The following LPP variants were observed in gnomAD, a reference collection of about 807,000 sequenced individuals.
LPP encodes LIM domain containing preferred translocation partner in lipoma.
LPP carries 38 observed loss-of-function variants against 60.4 expected under a neutral mutation model. The ratio of observed to expected loss-of-function variants is 0.63; its 90% confidence interval spans 0.49 to 0.83. The LOEUF is 0.83. Among genes scored for constraint, LPP ranks in the 40% least tolerant of loss-of-function variants. The probability of loss-of-function intolerance (pLI) is 0.00; values close to 1 mark genes in which losing one functional copy is unlikely to be tolerated. For synonymous variants in LPP, 328 were observed against 290.8 expected, an observed-to-expected ratio of 1.13 and a Z score of -1.30; for missense variants, 902 against 783.6, an observed-to-expected ratio of 1.15 and a Z score of -1.80.
At chr3:188,292,907 C>T (rs1181864798) in intron 2 of LPP, among the ~76,000 whole-genome samples, 2 of 152,022 alleles carry the variant, frequency 1.3e-5, no homozygotes, top group East Asian at 3.9e-4. Flanking sequence ...TGATTTATGC[C>T]CCCAGTAAGG....
chr3:188,455,102 C>A (rs1217086442), intron 4 of LPP, among the ~76,000 whole-genome samples: 1 of 152,032 alleles, frequency 6.6e-6, no homozygotes, highest in East Asian at 1.9e-4. Flanking sequence ...AGCTCTAGGG[C>A]CAATTAGAGT....
At chr3:188,561,447 A>C (rs1441108429) in intron 6 of LPP, among the ~76,000 whole-genome samples, 2 of 152,076 alleles carry the variant, frequency 1.3e-5, no homozygotes, top group Non-Finnish European at 2.9e-5. Flanking sequence ...TATACTTATT[A>C]ATCCACTGAG....
chr3:188,729,465 TA>T (rs1719630874), intron 8 of LPP, among the ~76,000 whole-genome samples: 1 of 152,232 alleles, frequency 6.6e-6, no homozygotes, highest in South Asian at 2.1e-4. Flanking sequence ...ACCACTTGGA[TA>T]ACCTTATAAA....
At chr3:188,623,062 C>G (rs1419793118) in intron 7 of LPP, among the ~76,000 whole-genome samples, 6 of 132,022 alleles carry the variant, frequency 4.5e-5, no homozygotes, top group Non-Finnish European at 8.0e-5. Flanking sequence ...GAGCTAACAT[C>G]TTCACTTTTT....
intron 7 of LPP, among the ~76,000 whole-genome samples, chr3:188,616,932 G>T (rs1198271663): frequency 6.6e-6 from 1 of 152,016 alleles, no homozygotes; most frequent in Admixed American, 6.5e-5. Context: ...TACTCCCTTT[G>T]TATCCTATAA....
chr3:188,729,477 G>A (rs1235309531), intron 8 of LPP, among the ~76,000 whole-genome samples: 1 of 152,192 alleles, frequency 6.6e-6, no homozygotes, highest in Non-Finnish European at 1.5e-5. Flanking sequence ...ACCTTATAAA[G>A]CCACTTAATA....
intron 9 of LPP, among the ~76,000 whole-genome samples, chr3:188,818,513 A>T (rs1258590488): frequency 6.6e-6 from 1 of 152,198 alleles, no homozygotes. Context: ...GTTCCATGTC[A>T]GTTGGACAGG....
At chr3:188,442,157 G>A (rs1019719364) in intron 4 of LPP, among the ~76,000 whole-genome samples, 7 of 152,076 alleles carry the variant, frequency 4.6e-5, no homozygotes, top group South Asian at 2.1e-4. Flanking sequence ...AAGTTCTAGG[G>A]TACATGTGCA....
intron 2 of LPP, among the ~76,000 whole-genome samples, chr3:188,248,468 T>TTTTATATA (rs1727808969): frequency 1.2e-5 from 1 of 84,142 alleles, no homozygotes; most frequent in Non-Finnish European, 2.2e-5. Context: ...CAGTATAACT[T>TTTTATATA]TATATATATA....
intron 9 of LPP, among the ~76,000 whole-genome samples, chr3:188,859,930 A>G (rs1336150880): frequency 1.3e-5 from 2 of 152,016 alleles, no homozygotes; most frequent in Non-Finnish European, 2.9e-5. Context: ...TTTGATTCTA[A>G]TTGAAAAATC....
intron 9 of LPP, among the ~76,000 whole-genome samples, chr3:188,771,587 G>T (rs1257962174): frequency 6.6e-6 from 1 of 150,666 alleles, no homozygotes; most frequent in Non-Finnish European, 1.5e-5. Context: ...AAGAAAGGGA[G>T]AAAGAAAGAA....
chr3:188,203,458 AAT>A (rs1396298471), intron 1 of LPP, among the ~76,000 whole-genome samples: 4 of 90,310 alleles, frequency 4.4e-5, no homozygotes, highest in East Asian at 3.0e-4. Flanking sequence ...AATATATATA[AAT>A]ATATATATTT....
At chr3:188,344,769 C>T (rs1485385172) in intron 3 of LPP, among the ~76,000 whole-genome samples, 1 of 152,160 alleles carries the variant, frequency 6.6e-6, no homozygotes, top group Non-Finnish European at 1.5e-5. Flanking sequence ...CATTTATACA[C>T]CGGTAGCGGT....
intron 2 of LPP, among the ~76,000 whole-genome samples, chr3:188,333,108 A>T (rs1204462240): frequency 1.3e-5 from 2 of 152,226 alleles, no homozygotes; most frequent in African/African-American, 2.4e-5. Context: ...ATCTCATGAT[A>T]GTAGAACATA....
chr3:188,638,952 A>G (rs1403745997), intron 7 of LPP, among the ~76,000 whole-genome samples: 3 of 152,170 alleles, frequency 2.0e-5, no homozygotes, highest in Non-Finnish European at 4.4e-5. Flanking sequence ...AAGGTAATTT[A>G]TAGATTCAAT....
chr3:188,428,675 C>T (rs1790129382), intron 4 of LPP, among the ~76,000 whole-genome samples: 2 of 151,040 alleles, frequency 1.3e-5, no homozygotes, highest in Non-Finnish European at 2.9e-5. Context: ...TTCATATAAT[C>T]ACTGTCAAGG....
chr3:188,592,557 G>GTTTTTTTGTTTTTTTT (rs1553936333), intron 6 of LPP, among the ~76,000 whole-genome samples: 1 of 85,756 alleles, frequency 1.2e-5, no homozygotes, highest in African/African-American at 4.5e-5. Flanking sequence ...TTTTGTTTTT[G>GTTTTTTTGTTTTTTTT]TTTTTTAAAT....
Position 188,876,423 on chromosome 3 carries a change from T to A in LPP, c.*1944T>A. On this transcript the variant is annotated 3_prime_UTR_variant, in exon 12 of 12. Transcript: ENST00000617246. Reference sequence around the variant, plus strand: ...TTTGACCACTGTCTTTTTCTTACCCTAGTTCTCTTATCTTTGATCGTATAT... The same window carrying A: ...TTTGACCACTGTCTTTTTCTTACCCAAGTTCTCTTATCTTTGATCGTATAT... The A allele has an allele frequency of 5.1e-6, 1 of 194,456 alleles. No individual in the cohort carries two copies. The highest frequency in any genetic ancestry group is 1.1e-5 in the Non-Finnish European group (1 of 93,174). The allele number at this position is 194,456 out of a possible 1,614,324, so 12.0% of individuals were successfully genotyped here. A position where few individuals can be genotyped will look rare whatever the true frequency, so the allele number is the denominator to read the frequency against.
At chr3:188,740,502 A>G (rs762769846) in intron 8 of LPP, among the ~76,000 whole-genome samples, 2 of 152,110 alleles carry the variant, frequency 1.3e-5, no homozygotes, top group Non-Finnish European at 2.9e-5. Context: ...ACAATGTTAG[A>G]AAAATTACAT....
Sources: allele counts gnomAD v4.1 joint callset (sites outside exome capture counted in the v4.1 genomes callset), GRCh38; gene constraint gnomAD v4.1.1; transcripts MANE v1.5; gene names NCBI Gene and HGNC (gene_info 2026-07-23, HGNC 2026-07-21).